SLIT2: variants seen among roughly 807,000 people sequenced by gnomAD.
SLIT2 encodes slit guidance ligand 2.
In SLIT2, 41 loss-of-function variants were observed where a neutral mutation model predicts 185.7. The ratio of observed to expected loss-of-function variants is 0.22; its 90% confidence interval spans 0.17 to 0.29. The LOEUF (loss-of-function observed/expected upper bound fraction) is 0.29. Among genes scored for constraint, SLIT2 ranks in the 10% least tolerant of loss-of-function variants. SLIT2 has a pLI of 1.00. For missense variants in SLIT2, 1,571 were observed against 1,909.0 expected (o/e 0.82, Z 3.30); for synonymous variants, 693 against 680.2 (o/e 1.02, Z -0.29).
In SLIT2 at chr4:20,416,706, T is replaced by C. The variant is rs552633983; in HGVS notation, c.396-51046T>C. Among the ~76,000 whole-genome samples, 3 of 152,312 alleles carry C rather than the reference T, an allele frequency of 2.0e-5. No individual in the cohort carries two copies. The South Asian group carries it at 6.2e-4, about 32-fold the overall frequency. ...AAGACTATAAATCCCATTAATAAAG[T>C]CGAACAGAAGCTTGAAAACAATTAA... On this transcript the variant is annotated intron_variant, in intron 4 of 36. Transcript: ENST00000504154.
chr4:20,442,484 A>G (rs1233461701), intron 4 of SLIT2, among the ~76,000 whole-genome samples: 1 of 137,650 alleles, frequency 7.3e-6, no homozygotes, highest in East Asian at 2.4e-4. Flanking sequence ...AGATCGCGCC[A>G]CTGCGCTCCA....
chr4:20,589,112 A>G (rs1023558070), intron 29 of SLIT2, among the ~76,000 whole-genome samples: 2 of 152,144 alleles, frequency 1.3e-5, no homozygotes, highest in Non-Finnish European at 2.9e-5. Context: ...GAATGATTTC[A>G]TTTATGTCAA....
rs146950291 is a variant in SLIT2 at position 20,373,420 on chromosome 4, G to T, written c.396-94332G>T. ...TGAAGGAAATTTTAAAGAGATAAAA[G>T]TGCTTCCACTTTCACACACAAGTTT... On this transcript the variant is annotated intron_variant, in intron 4 of 36. Coordinates refer to ENST00000504154, the MANE Select transcript of SLIT2 (RefSeq NM_004787.4). 6.8e-3 allele frequency among the ~76,000 whole-genome samples: 1,033 copies of T among 151,996 alleles called. 22 individuals carry two copies. The highest frequency in any genetic ancestry group is 0.024 in the African/African-American group (976 of 41,472).
At chr4:20,299,884 C>A (rs1349728016) in intron 4 of SLIT2, among the ~76,000 whole-genome samples, 1 of 151,946 alleles carries the variant, frequency 6.6e-6, no homozygotes, top group Admixed American at 6.6e-5. Flanking sequence ...AATTACCTTT[C>A]AGTCATTAAT....
chr4:20,268,536 CATT>C, intron 3 of SLIT2, among the ~76,000 whole-genome samples: 1 of 151,958 alleles, frequency 6.6e-6, no homozygotes, highest in East Asian at 1.9e-4. Flanking sequence ...AATCCTTTAT[CATT>C]GTGTGTATTC....
At chr4:20,310,501 C>A (rs1718007290) in intron 4 of SLIT2, among the ~76,000 whole-genome samples, 1 of 152,306 alleles carries the variant, frequency 6.6e-6, no homozygotes, top group Non-Finnish European at 1.5e-5. Context: ...ATTCAGTAAG[C>A]CTTCATCCCT....
intron 30 of SLIT2, among the ~76,000 whole-genome samples, chr4:20,594,141 A>C (rs950714601): frequency 6.0e-5 from 9 of 149,354 alleles, no homozygotes; most frequent in African/African-American, 2.2e-4. Flanking sequence ...ATATACATAT[A>C]TACACACATA....
intron 4 of SLIT2, among the ~76,000 whole-genome samples, chr4:20,413,886 A>C (rs1727452909): frequency 6.6e-6 from 1 of 151,708 alleles, no homozygotes; most frequent in South Asian, 2.1e-4. Context: ...CTGCCTTTTG[A>C]TTTCATTATT....
Position 20,253,379 on chromosome 4 carries a change from C to G in SLIT2, c.-437C>G, listed in dbSNP as rs28736786. The G allele has an allele frequency of 0.011, 1,985 of 187,146 alleles. 31 individuals carry two copies. Among genetic ancestry groups the G allele is most frequent in the African/African-American group, 0.044 (1,877 of 42,730 alleles). 11.6% of individuals were successfully genotyped at this position (187,146 alleles called of 1,614,324 possible). A position where few individuals can be genotyped will look rare whatever the true frequency, so the allele number is the denominator to read the frequency against. On this transcript the variant is annotated 5_prime_UTR_variant, in exon 1 of 37. Coordinates refer to ENST00000504154, the MANE Select transcript of SLIT2 (RefSeq NM_004787.4). ...CCTCTTCTGTCTTGTACCTTCGCCA[C>G]TGGCATCGGATTTGCAGAAGCGTGC...
chr4:20,575,786 A>G (rs1355709764), intron 29 of SLIT2, among the ~76,000 whole-genome samples: 1 of 152,108 alleles, frequency 6.6e-6, no homozygotes, highest in East Asian at 1.9e-4. Context: ...CAAGCCGTCT[A>G]TTTTATCTAG....
intron 7 of SLIT2, among the ~76,000 whole-genome samples, chr4:20,486,821 T>C (rs908270159): frequency 2.0e-5 from 3 of 151,986 alleles, no homozygotes; most frequent in Non-Finnish European, 4.4e-5. Flanking sequence ...GAAAAAGTAA[T>C]CCTTAAAGCC....
chr4:20,336,838 A>G (rs539129888), intron 4 of SLIT2, among the ~76,000 whole-genome samples: 3 of 152,264 alleles, frequency 2.0e-5, no homozygotes, highest in African/African-American at 4.8e-5. Flanking sequence ...AGTCATTACC[A>G]TGGTCATTTG....
intron 29 of SLIT2, among the ~76,000 whole-genome samples, chr4:20,588,874 A>G (rs780471291): frequency 3.7e-4 from 57 of 152,134 alleles, no homozygotes; most frequent in Admixed American, 6.5e-4. Context: ...ACTTTCATGG[A>G]AAAAATATAT....
chr4:20,259,064 T>C (rs1712166193), intron 3 of SLIT2, among the ~76,000 whole-genome samples: 1 of 151,674 alleles, frequency 6.6e-6, no homozygotes, highest in African/African-American at 2.4e-5. Flanking sequence ...ATTTTACTAT[T>C]GGTCTTTCTC....
At chr4:20,592,197 T>A (rs115481835) in intron 30 of SLIT2, among the ~76,000 whole-genome samples, 1,713 of 152,326 alleles carry the variant, frequency 0.011, 37 homozygotes, top group African/African-American at 0.039. Context: ...TTCAACTTCA[T>A]TTTCTTATTA....
chr4:20,407,285 A>G (rs1052872579), intron 4 of SLIT2, among the ~76,000 whole-genome samples: 3 of 152,190 alleles, frequency 2.0e-5, no homozygotes, highest in Non-Finnish European at 4.4e-5. Flanking sequence ...TTTGTTTATT[A>G]CACTGTTCTA....
intron 9 of SLIT2, among the ~76,000 whole-genome samples, chr4:20,496,688 G>A (rs933559311): frequency 6.6e-6 from 1 of 152,108 alleles, no homozygotes; most frequent in African/African-American, 2.4e-5. Flanking sequence ...AACGTTCTAT[G>A]AAGGCAGGAA....
At chr4:20,294,104 T>C (rs995308001) in intron 4 of SLIT2, among the ~76,000 whole-genome samples, 4 of 151,954 alleles carry the variant, frequency 2.6e-5, no homozygotes, top group African/African-American at 9.7e-5. Context: ...TCCCAGCAGT[T>C]TGGGAGGCTG....
At chr4:20,524,860 A>G (rs777494135) in intron 14 of SLIT2, among the ~76,000 whole-genome samples, 2 of 152,174 alleles carry the variant, frequency 1.3e-5, no homozygotes, top group African/African-American at 4.8e-5. Context: ...TTATGATAGA[A>G]TATTTTATGT....
Sources: gnomAD v4.1 joint callset for allele counts (sites outside exome capture counted in the v4.1 genomes callset) on GRCh38, gnomAD v4.1.1 for gene constraint, MANE v1.5 for transcripts, NCBI Gene and HGNC (gene_info 2026-07-23, HGNC 2026-07-21) for gene names.